The following GALNT14 variants were observed in gnomAD, a reference collection of about 807,000 sequenced individuals.
The protein encoded by GALNT14 is polypeptide N-acetylgalactosaminyltransferase 14, also known as UDP-GalNAc:polypeptide N-acetylgalactosaminyltransferase 14.
A neutral mutation model predicts 77.5 loss-of-function variants in GALNT14; 60 were observed. That is an observed-to-expected ratio of 0.77 (90% confidence interval 0.63 to 0.96). The LOEUF is 0.96. Among genes scored for constraint, GALNT14 ranks in the 40% least tolerant of loss-of-function variants. The pLI is 0.00. For synonymous variants in GALNT14, 280 were observed against 281.7 expected (o/e 0.99, Z 0.06); for missense variants, 710 against 731.0 (o/e 0.97, Z 0.33).
At chr2:31,050,452 A>G (rs4952042) in intron 1 of GALNT14, among the ~76,000 whole-genome samples, 113,419 of 151,948 alleles carry the variant, frequency 0.75, 42,609 homozygotes, top group East Asian at 1. Context: ...AGGGAGGACT[A>G]AAAAGGGGCG....
chr2:31,083,034 A>G (rs541658973), intron 1 of GALNT14, among the ~76,000 whole-genome samples: 4 of 152,166 alleles, frequency 2.6e-5, no homozygotes, highest in South Asian at 2.1e-4. Context: ...AGAAAAAGAA[A>G]AAAACAAAGA....
chr2:31,079,574 A>C (rs1182843844), intron 1 of GALNT14, among the ~76,000 whole-genome samples: 2 of 152,084 alleles, frequency 1.3e-5, no homozygotes, highest in Non-Finnish European at 2.9e-5. Context: ...AGTGGTTATG[A>C]TTCTCCTGCC....
At chr2:31,070,488 C>T (rs1285010929) in intron 1 of GALNT14, among the ~76,000 whole-genome samples, 1 of 152,202 alleles carries the variant, frequency 6.6e-6, no homozygotes, top group East Asian at 1.9e-4. Context: ...TGAACTCAAA[C>T]AAGCTTGCAC....
chr2:31,045,048 G>C (rs138042334), intron 1 of GALNT14, among the ~76,000 whole-genome samples: 36 of 152,318 alleles, frequency 2.4e-4, no homozygotes, highest in African/African-American at 6.0e-4. Flanking sequence ...GCAGAGGTCA[G>C]ATGTCAGGAT....
chr2:30,997,353 C>T (rs1670099035), intron 1 of GALNT14, among the ~76,000 whole-genome samples: 1 of 152,228 alleles, frequency 6.6e-6, no homozygotes, highest in Admixed American at 6.5e-5. Context: ...CTCCCTGACT[C>T]TGCATGGGGC....
intron 1 of GALNT14, among the ~76,000 whole-genome samples, chr2:31,115,101 T>C (rs1168576420): frequency 6.6e-6 from 1 of 151,744 alleles, no homozygotes; most frequent in African/African-American, 2.4e-5. Context: ...ATAAATAAAA[T>C]TAGCCAGGCA....
intron 9 of GALNT14, among the ~76,000 whole-genome samples, chr2:30,938,118 C>T (rs17010488): frequency 0.12 from 17,768 of 150,802 alleles, 1,332 homozygotes; most frequent in Non-Finnish European, 0.16. Context: ...CATTCTGGGA[C>T]AGCAGGTGGT....
At chr2:31,021,835 G>C (rs924273486) in intron 1 of GALNT14, among the ~76,000 whole-genome samples, 4 of 152,216 alleles carry the variant, frequency 2.6e-5, no homozygotes, top group African/African-American at 9.6e-5. Context: ...GAAGTCAGAG[G>C]ACTTGAAGTT....
At chr2:31,078,962 G>C in intron 1 of GALNT14, 1 of 1,289,314 alleles carries the variant, frequency 7.8e-7, no homozygotes, top group Non-Finnish European at 1.0e-6. Flanking sequence ...GGCCATGGCT[G>C]TTCCATGCCT....
Position 30,936,471 on chromosome 2 carries a change from T to C in GALNT14, c.932-4277A>G, listed in dbSNP as rs188244509. ...ACTACATTTTAAATGGAGCCTCGTATAATGTATATGTGTGTGTATTGTGTA... is the reference window on the plus strand; with the variant it reads ...ACTACATTTTAAATGGAGCCTCGTACAATGTATATGTGTGTGTATTGTGTA... On this transcript the variant is annotated intron_variant, in intron 9 of 14. Coordinates refer to ENST00000349752, the MANE Select transcript of GALNT14 (RefSeq NM_024572.4). 4.6e-5 allele frequency among the ~76,000 whole-genome samples: 7 copies of C among 152,328 alleles called. No homozygotes were observed. In the East Asian group the frequency reaches 1.3e-3, roughly 29 times the overall value.
chr2:30,957,658 TGTGGGG>T (rs1294680816), intron 4 of GALNT14, among the ~76,000 whole-genome samples: 1 of 152,128 alleles, frequency 6.6e-6, no homozygotes, highest in African/African-American at 2.4e-5. Flanking sequence ...CAGACCGCAG[TGTGGGG>T]GTGGCTCCCA....
intron 1 of GALNT14, among the ~76,000 whole-genome samples, chr2:31,067,993 C>A (rs986713093): frequency 2.0e-5 from 3 of 152,136 alleles, no homozygotes; most frequent in African/African-American, 7.2e-5. Context: ...GACTCTCTTT[C>A]TCTGTACCTG....
Position 30,944,842 on chromosome 2 carries a change from G to GACTCTTCCCACTT in GALNT14, c.827+3_827+15dup, listed in dbSNP as rs761702989. The GACTCTTCCCACTT allele has an allele frequency of 6.3e-7, 1 of 1,588,484 alleles. No individual in the cohort carries two copies. Among genetic ancestry groups the GACTCTTCCCACTT allele is most frequent in the Non-Finnish European group, 8.6e-7 (1 of 1,163,382 alleles). Reference sequence around the variant, plus strand: ...GTGATGGTCTGCCCACCCCTGCACAGACTCTTCCCACTTACCTGATGGGCT... The same window carrying GACTCTTCCCACTT: ...GTGATGGTCTGCCCACCCCTGCACAGACTCTTCCCACTTACTCTTCCCACTTACCTGATGGGCT... On this transcript the variant is annotated intron_variant, in intron 8 of 14. Transcript: ENST00000349752.
At chr2:31,079,417 G>T (rs1444139006) in intron 1 of GALNT14, among the ~76,000 whole-genome samples, 1 of 152,218 alleles carries the variant, frequency 6.6e-6, no homozygotes, top group Non-Finnish European at 1.5e-5. Context: ...CTCTGAGGAA[G>T]AGCTGAGCCC....
intron 1 of GALNT14, among the ~76,000 whole-genome samples, chr2:31,005,782 C>G (rs1288942762): frequency 3.3e-5 from 5 of 152,158 alleles, no homozygotes; most frequent in Admixed American, 6.5e-5. Flanking sequence ...ACCCAAAGCT[C>G]CATCTCACAC....
chr2:31,088,383 A>G (rs1438504108), intron 1 of GALNT14, among the ~76,000 whole-genome samples: 2 of 152,170 alleles, frequency 1.3e-5, no homozygotes, highest in African/African-American at 4.8e-5. Context: ...ACTGATGTTA[A>G]GTTTGGCCAA....
At chr2:31,012,795 A>C (rs147480426) in intron 1 of GALNT14, among the ~76,000 whole-genome samples, 198 of 152,304 alleles carry the variant, frequency 1.3e-3, no homozygotes, top group African/African-American at 4.7e-3. Context: ...AACACCACCC[A>C]CACACACAAA....
chr2:31,117,751 C>G (rs1288151934), intron 1 of GALNT14, among the ~76,000 whole-genome samples: 28 of 152,072 alleles, frequency 1.8e-4, no homozygotes, highest in Non-Finnish European at 1.5e-5. Flanking sequence ...TTACCATATG[C>G]AATAGTGGAA....
intron 1 of GALNT14, among the ~76,000 whole-genome samples, chr2:31,088,046 C>T (rs1676541814): frequency 4.6e-5 from 7 of 152,188 alleles, no homozygotes; most frequent in Admixed American, 4.6e-4. Context: ...CTAGGACTTC[C>T]CAGCCTCTAG....
Sources: allele counts gnomAD v4.1 joint callset (sites outside exome capture counted in the v4.1 genomes callset), GRCh38; gene constraint gnomAD v4.1.1; transcripts MANE v1.5; gene names NCBI Gene and HGNC (gene_info 2026-07-23, HGNC 2026-07-21).